Variants in SLC7A6OS observed in about 807,000 individuals in gnomAD.
The protein encoded by SLC7A6OS is probable RNA polymerase II nuclear localization protein SLC7A6OS.
A neutral mutation model predicts 34.3 loss-of-function variants in SLC7A6OS; 22 were observed. The observed-to-expected ratio is 0.64, with a 90% CI of 0.46 to 0.92. The LOEUF (loss-of-function observed/expected upper bound fraction) is 0.92. Among genes scored for constraint, SLC7A6OS ranks in the 40% least tolerant of loss-of-function variants. SLC7A6OS has a pLI of 0.00. For missense variants in SLC7A6OS, 434 were observed against 407.7 expected (o/e 1.06, Z -0.56); for synonymous variants, 199 against 165.0 (o/e 1.21, Z -1.58).
chr16:68,300,562 C>G lies in SLC7A6OS; in HGVS notation c.*713G>C. ...CAATGCTGAACCTTCTATTTCACTA[C>G]CGCTCCCTGTTTTAGATATTCAGAT... On this transcript the variant is annotated 3_prime_UTR_variant, in exon 5 of 5. Coordinates refer to ENST00000263997, the MANE Select transcript of SLC7A6OS (RefSeq NM_032178.3). 1.1e-6 allele frequency: 1 copy of G among 946,658 alleles called. No homozygotes were observed. Among genetic ancestry groups the G allele is most frequent in the Non-Finnish European group, 1.3e-6 (1 of 794,700 alleles). 58.6% of individuals were successfully genotyped at this position (946,658 alleles called of 1,614,324 possible).
In SLC7A6OS at chr16:68,304,134, T is replaced by G; in HGVS notation, c.570A>C (p.Glu190Asp). Reference sequence around the variant, plus strand: ...CATACACATAGTCATCGTGTTTTTGTTCTTCCTGGCGCCTGACTCCTGGTC... The same window carrying G: ...CATACACATAGTCATCGTGTTTTTGGTCTTCCTGGCGCCTGACTCCTGGTC... ...EDGPGVRRQE[E>D]QKHDDYVYDI... Residue 190 changes from glutamate to aspartate, a missense_variant, in exon 3 of 5, where the codon GAA becomes GAC. Physicochemically the swap from Glu to Asp is conservative, Grantham distance 45. Transcript: ENST00000263997. 6.2e-7 allele frequency: 1 copy of G among 1,614,194 alleles called. No individual in the cohort carries two copies.
At position 68,310,398 on chromosome 16, in the gene SLC7A6OS, A is replaced by G; in HGVS notation, c.408T>C (p.Phe136=). 1.2e-6 allele frequency: 2 copies of G among 1,612,378 alleles called. No individual in the cohort carries two copies. The highest frequency in any genetic ancestry group is 1.7e-6 in the Non-Finnish European group (2 of 1,179,486). ...GNPEAAGNSG[F]QLLDLVHEEG... ...CCTCGTGGACAAGGTCTAACAACTG[A>G]AAGCCCGAGTTCCCGGCGGCTTCTG... The change falls in exon 2 of 5, where the codon TTT becomes TTC. Residue 136 remains phenylalanine, a synonymous_variant. Coordinates refer to ENST00000263997, the MANE Select transcript of SLC7A6OS (RefSeq NM_032178.3).
chr16:68,310,870 C>T lies in SLC7A6OS; in HGVS notation c.57G>A (p.Pro19=). Reference sequence around the variant, plus strand: ...TACAAGCGAGCACAAGAGCCTCCGCCGGCTCCGCACTGCGCTTCCGCTTCA... The same window carrying T: ...TACAAGCGAGCACAAGAGCCTCCGCTGGCTCCGCACTGCGCTTCCGCTTCA... The part of the protein sequence containing the change: ...LRVKRKRSAE[P]AEALVLACKR... Residue 19 remains proline, a synonymous_variant, in exon 1 of 5, where the codon CCG becomes CCA. Coordinates refer to ENST00000263997, the MANE Select transcript of SLC7A6OS (RefSeq NM_032178.3). 2 of 1,609,918 alleles carry T rather than the reference C, an allele frequency of 1.2e-6. No individual in the cohort carries two copies. Among genetic ancestry groups the T allele is most frequent in the Non-Finnish European group, 1.7e-6 (2 of 1,178,950 alleles).
chr16:68,310,186 G>A (rs2043434839), intron 2 of SLC7A6OS, 149 bp downstream of exon 2: 1 of 888,720 alleles, frequency 1.1e-6, no homozygotes, highest in Non-Finnish European at 1.7e-6. Context: ...GTAAACACAT[G>A]TTGGATGAAC....
At chr16:68,305,326 AAATTGGG>A (rs987417117) in intron 2 of SLC7A6OS, among the ~76,000 whole-genome samples, 6 of 152,164 alleles carry the variant, frequency 3.9e-5, no homozygotes, top group African/African-American at 1.4e-4. Context: ...TTTTAACCAC[AAATTGGG>A]AATGGGCTCA....
chr16:68,307,515 ATTTTTAAAT>A (rs2151241554), intron 2 of SLC7A6OS, among the ~76,000 whole-genome samples: 1 of 152,328 alleles, frequency 6.6e-6, no homozygotes, highest in Admixed American at 6.5e-5. Flanking sequence ...AAATGCTGTC[ATTTTTAAAT>A]TTCCTTAGAA....
rs557648354 is a variant in SLC7A6OS at position 68,305,700 on chromosome 16, T to C, written c.472-1468A>G. On this transcript the variant is annotated intron_variant, in intron 2 of 4. Transcript: ENST00000263997. ...GCAGAACCTTGAGCAAACTTAAAGT[T>C]ACCTATGACAAAAGTTCTGGCTCCA... Among the ~76,000 whole-genome samples, 3 of 152,306 alleles carry C rather than the reference T, an allele frequency of 2.0e-5. No homozygotes were observed. In the East Asian group the frequency reaches 5.8e-4, roughly 29 times the overall value.
intron 4 of SLC7A6OS, 98 bp downstream of exon 4, chr16:68,302,283 G>A: frequency 6.9e-7 from 1 of 1,445,204 alleles, no homozygotes; most frequent in South Asian, 1.3e-5. Context: ...GGCGCTCAAT[G>A]ACAGAGAAGG....
At position 68,302,327 on chromosome 16, in the gene SLC7A6OS, T is replaced by G. The variant is rs756149570; in HGVS notation, c.799+54A>C. On this transcript the variant is annotated intron_variant, in intron 4 of 4. Transcript: ENST00000263997. ...TTAAGATGCACCTGTCAACTATGCC[T>G]GCACCTCAGTCTCAGATCCTACCAG... 6 of 1,605,918 alleles carry G rather than the reference T, an allele frequency of 3.7e-6. No homozygotes were observed. The East Asian group carries it at 1.3e-4, about 36-fold the overall frequency.
intron 4 of SLC7A6OS, 173 bp downstream of exon 4, chr16:68,302,208 G>A (rs1233286111): frequency 1.6e-5 from 11 of 677,724 alleles, no homozygotes; most frequent in Admixed American, 2.6e-5. Context: ...ACACCCCCAG[G>A]AGGCCCCTGG....
Position 68,301,132 on chromosome 16 carries a change from G to C in SLC7A6OS, c.*143C>G. The stretch of plus-strand genomic sequence containing the variant: ...CTAACATAAGTTTTCACTGTGGTGG[G>C]ATGGTGCCGCCCGATATGCTTGATA... On this transcript the variant is annotated 3_prime_UTR_variant, in exon 5 of 5. Transcript: ENST00000263997. 7.0e-7 allele frequency: 1 copy of C among 1,423,626 alleles called. No individual in the cohort carries two copies. The highest frequency in any genetic ancestry group is 9.2e-7 in the Non-Finnish European group (1 of 1,084,956). The allele number at this position is 1,423,626 out of a possible 1,614,324, so 88.2% of individuals were successfully genotyped here. A position where few individuals can be genotyped will look rare whatever the true frequency, so the allele number is the denominator to read the frequency against.
chr16:68,304,881 G>A (rs974679367), intron 2 of SLC7A6OS, among the ~76,000 whole-genome samples: 15 of 152,026 alleles, frequency 9.9e-5, no homozygotes, highest in African/African-American at 1.7e-4. Context: ...CAAAACCCCC[G>A]TCTCTACAAA....
rs781199487 is a variant in SLC7A6OS, at chr16:68,303,997, A to G, written c.678+29T>C. ...TTAGATTAAGAGCTTAGGATGCCTC[A>G]TGCCCCGTCTGCTCATGGGCCCCCT... On this transcript the variant is annotated intron_variant, in intron 3 of 4. Coordinates refer to ENST00000263997, the MANE Select transcript of SLC7A6OS (RefSeq NM_032178.3). The G allele has an allele frequency of 7.5e-6, 12 of 1,598,592 alleles. No individual in the cohort carries two copies. In the South Asian group the frequency reaches 1.1e-4, roughly 15 times the overall value.
In SLC7A6OS at chr16:68,302,454, G is replaced by A. The variant is rs373311294; in HGVS notation, c.726C>T (p.Asp242=). The part of the protein sequence containing the change: ...EPEDIYDDED[D]ENSENNWRNE... ...TGCGCCAGTTATTCTCACTGTTCTC[G>A]TCATCTTCATCGTCGTAAATGTCCT... Residue 242 remains aspartate, a synonymous_variant, in exon 4 of 5, where the codon GAC becomes GAT. Transcript: ENST00000263997. 1.3e-5 allele frequency: 21 copies of A among 1,613,886 alleles called. No homozygotes were observed. The East Asian group carries it at 1.8e-4, about 14-fold the overall frequency.
rs562837701 is a variant in SLC7A6OS at position 68,307,697 on chromosome 16, C to T, written c.471+2638G>A. On this transcript the variant is annotated intron_variant, in intron 2 of 4. Transcript: ENST00000263997. ...ACGCTTTTAATCATTGCCTTGCCAGCATTGCTATCAACTACTTTTTTCCTG... is the reference window on the plus strand; with the variant it reads ...ACGCTTTTAATCATTGCCTTGCCAGTATTGCTATCAACTACTTTTTTCCTG... 3.9e-5 allele frequency among the ~76,000 whole-genome samples: 6 copies of T among 152,278 alleles called. No homozygotes were observed. In the East Asian group the frequency reaches 5.8e-4, roughly 15 times the overall value.
chr16:68,298,055 C>A lies in SLC7A6OS; in HGVS notation c.*3220G>T, dbSNP rs1221801732. 6.6e-6 allele frequency: 1 copy of A among 152,630 alleles called. No individual in the cohort carries two copies. Among genetic ancestry groups the A allele is most frequent in the Non-Finnish European group, 1.5e-5 (1 of 68,044 alleles). The allele number at this position is 152,630 out of a possible 1,614,324, so 9.5% of individuals were successfully genotyped here. ...ACAATGAACCTTAAAGATTTTTTTA[C>A]TCACGTACCTGTTACACTTTAGCAT... is the stretch of plus-strand genomic sequence containing the variant. On this transcript the variant is annotated 3_prime_UTR_variant, in exon 5 of 5. Transcript: ENST00000263997.
rs185419854 is a variant in SLC7A6OS, at chr16:68,301,455, C to T, written c.800-50G>A. On this transcript the variant is annotated intron_variant, in intron 4 of 4. Coordinates refer to ENST00000263997, the MANE Select transcript of SLC7A6OS (RefSeq NM_032178.3). ...TTCTAAATGTGATTTTCCTAGGCTA[C>T]TGCAGGAGCCCCTTCTCTTCTCAGA... The T allele has an allele frequency of 1.0e-4, 161 of 1,546,550 alleles. 1 individual carries two copies. In the Middle Eastern group the frequency reaches 2.0e-3, roughly 20 times the overall value.
rs1019400306 is a variant in SLC7A6OS, at chr16:68,300,887, T to G, written c.*388A>C. The G allele has an allele frequency of 2.0e-6, 2 of 991,106 alleles. No homozygotes were observed. Among genetic ancestry groups the G allele is most frequent in the African/African-American group, 3.5e-5 (2 of 57,366 alleles). The allele number at this position is 991,106 out of a possible 1,614,324, so 61.4% of individuals were successfully genotyped here. Reference sequence around the variant, plus strand: ...AGGGTTTTCCTAGAGGCAGGCAGCCTGGTGGTATGGCACAGCAGAAGCTTA... The same window carrying G: ...AGGGTTTTCCTAGAGGCAGGCAGCCGGGTGGTATGGCACAGCAGAAGCTTA... On this transcript the variant is annotated 3_prime_UTR_variant, in exon 5 of 5. Coordinates refer to ENST00000263997, the MANE Select transcript of SLC7A6OS (RefSeq NM_032178.3).
rs2151248560 is a variant in SLC7A6OS, at chr16:68,310,380, G to A, written c.426C>T (p.Val142=). 6.2e-7 allele frequency: 1 copy of A among 1,611,224 alleles called. No individual in the cohort carries two copies. Among genetic ancestry groups the A allele is most frequent in the East Asian group, 2.2e-5 (1 of 44,810 alleles). Residue 142 remains valine (V), a synonymous_variant, in exon 2 of 5, where the codon GTC becomes GTT. Transcript: ENST00000263997. Reference sequence around the variant, plus strand: ...CGGCTTCAGGTTCTCCCTCCTCGTGGACAAGGTCTAACAACTGAAAGCCCG... The same window carrying A: ...CGGCTTCAGGTTCTCCCTCCTCGTGAACAAGGTCTAACAACTGAAAGCCCG... ...GNSGFQLLDL[V]HEEGEPEAAS... is the part of the protein sequence containing the mutation.
Sources: gnomAD v4.1 joint callset for allele counts (sites outside exome capture counted in the v4.1 genomes callset) on GRCh38, gnomAD v4.1.1 for gene constraint, MANE v1.5 for transcripts, NCBI Gene and HGNC (gene_info 2026-07-23, HGNC 2026-07-21) for gene names.